TRIP11: variants seen among roughly 807,000 people sequenced by gnomAD.
The protein encoded by TRIP11 is thyroid hormone receptor interactor 11.
In TRIP11, 148 loss-of-function variants were observed where a neutral mutation model predicts 223.1. The observed-to-expected ratio is 0.66, with a 90% CI of 0.58 to 0.76. TRIP11 has a LOEUF of 0.76. Ranked by LOEUF, TRIP11 falls within the 30% of genes least tolerant of loss-of-function variation. The pLI, the probability that TRIP11 is intolerant of heterozygous loss-of-function variation, is 0.00. For synonymous variants in TRIP11, 762 were observed against 772.6 expected, an observed-to-expected ratio of 0.99 and a Z score of 0.23; for missense variants, 2,043 against 2,222.0, an observed-to-expected ratio of 0.92 and a Z score of 1.62.
At chr14:92,020,720 AGAAAGG>A (rs966487091) in intron 4 of TRIP11, among the ~76,000 whole-genome samples, 1 of 152,010 alleles carries the variant, frequency 6.6e-6, no homozygotes, top group African/African-American at 2.4e-5. Context: ...AATAGTGTAC[AGAAAGG>A]GAAACTCAGA....
At chr14:92,018,583 G>GA (rs1338749242) in intron 4 of TRIP11, among the ~76,000 whole-genome samples, 1 of 151,962 alleles carries the variant, frequency 6.6e-6, no homozygotes, top group Admixed American at 6.6e-5. Context: ...AAGTATAATA[G>GA]AAAAAATACA....
chr14:92,016,996 AC>A (rs1433851616), intron 5 of TRIP11, among the ~76,000 whole-genome samples: 1 of 152,220 alleles, frequency 6.6e-6, no homozygotes, highest in Non-Finnish European at 1.5e-5. Context: ...GCGAAATTCT[AC>A]CGCTAAGGTA....
Position 92,034,424 on chromosome 14 carries a change from C to CAAAAAAAAAAAAAAAAA in TRIP11, c.140-1172_140-1171insTTTTTTTTTTTTTTTTT, listed in dbSNP as rs34612555. 3.4e-4 allele frequency among the ~76,000 whole-genome samples: 45 copies of CAAAAAAAAAAAAAAAAA among 133,310 alleles called. 1 individual carries two copies. Among genetic ancestry groups the CAAAAAAAAAAAAAAAAA allele is most frequent in the African/African-American group, 9.9e-4 (35 of 35,404 alleles). The allele number at this position is 133,310 out of a possible 152,430, so 87.5% of individuals were successfully genotyped here. A position where few individuals can be genotyped will look rare whatever the true frequency, so the allele number is the denominator to read the frequency against. On this transcript the variant is annotated intron_variant, in intron 1 of 20. Coordinates refer to ENST00000267622, the MANE Select transcript of TRIP11 (RefSeq NM_004239.4). ...GGTTACAGAGTGAGACTCTTGTCTC[C>CAAAAAAAAAAAAAAAAA]AAAAAAAAAAAAGGAAAGGGAGCTG...
At chr14:92,009,276 A>C (rs1032439884) in intron 9 of TRIP11, among the ~76,000 whole-genome samples, 3 of 152,162 alleles carry the variant, frequency 2.0e-5, no homozygotes, top group African/African-American at 7.2e-5. Flanking sequence ...TTGAGCAATC[A>C]TCCCACCTTG....
chr14:91,984,935 A>C (rs1259086700), intron 16 of TRIP11, among the ~76,000 whole-genome samples: 1 of 152,216 alleles, frequency 6.6e-6, no homozygotes, highest in Admixed American at 6.5e-5. Context: ...TTTTAAAAGG[A>C]AGGATAGCAG....
In TRIP11 at chr14:91,978,098, C is replaced by T. The variant is rs561335486; in HGVS notation, c.5261-1909G>A. ...GGGTGGACAGGACTATTATTAAAGT[C>T]TGAGTCAGTAAAAGACACTTTAGAT... On this transcript the variant is annotated intron_variant, in intron 16 of 20. Transcript: ENST00000267622. The surrounding 1 kb of genome is among the most constrained non-coding windows in gnomAD (Gnocchi z 4.4). Among the ~76,000 whole-genome samples the T allele has an allele frequency of 7.2e-5, 11 of 152,196 alleles. No homozygotes were observed. In the South Asian group the frequency reaches 2.3e-3, roughly 32 times the overall value.
At position 92,000,084 on chromosome 14, in the gene TRIP11, G is replaced by A. The variant is rs948093291; in HGVS notation, c.4582C>T (p.Leu1528Phe). ...TGCATTGATTTAACTGCATTTAAAA[G>A]CTGATTTAACTCTCCAGTCTTGCCC... The part of the protein sequence containing the change: ...EQGKTGELNQ[L>F]LNAVKSMQEK... Residue 1528 changes from leucine (L) to phenylalanine (F), a missense_variant, in exon 12 of 21, where the codon CTT becomes TTT. Transcript: ENST00000267622. 1 of 1,613,748 alleles carries A rather than the reference G, an allele frequency of 6.2e-7. No homozygotes were observed. Among genetic ancestry groups the A allele is most frequent in the Admixed American group, 1.7e-5 (1 of 59,984 alleles).
chr14:91,969,543 A>T lies in TRIP11; in HGVS notation c.*130T>A. ...TAAAAGCATTAGGAATATTTTTATT[A>T]AATTCAGAGAAAGCATAATTGCGAA... On this transcript the variant is annotated 3_prime_UTR_variant, in exon 21 of 21. Transcript: ENST00000267622. 1.1e-6 allele frequency: 1 copy of T among 908,926 alleles called. No homozygotes were observed. The highest frequency in any genetic ancestry group is 1.8e-6 in the Non-Finnish European group (1 of 561,558). 56.3% of individuals were successfully genotyped at this position (908,926 alleles called of 1,614,324 possible).
intron 7 of TRIP11, among the ~76,000 whole-genome samples, chr14:92,013,851 T>C (rs1256572434): frequency 1.3e-5 from 2 of 152,188 alleles, no homozygotes; most frequent in Non-Finnish European, 1.5e-5. Flanking sequence ...ATCATGAGCA[T>C]AGAAAATGGT....
chr14:92,011,560 T>G (rs943309346), intron 8 of TRIP11, among the ~76,000 whole-genome samples, 195 bp downstream of exon 8: 1 of 151,510 alleles, frequency 6.6e-6, no homozygotes, highest in African/African-American at 2.4e-5. Flanking sequence ...AGTCATGCAT[T>G]TTCGACACTC....
At chr14:92,039,470 G>T in intron 1 of TRIP11, 77 bp downstream of exon 1, 2 of 1,534,402 alleles carry the variant, frequency 1.3e-6, no homozygotes, top group South Asian at 1.1e-5. Flanking sequence ...CGCGTCTCCT[G>T]ACTGATGGAA....
At chr14:92,020,362 T>C (rs562259945) in intron 4 of TRIP11, among the ~76,000 whole-genome samples, 1 of 152,198 alleles carries the variant, frequency 6.6e-6, no homozygotes, top group South Asian at 2.1e-4. Context: ...TAAAATCTGA[T>C]ATATAAGACA....
rs567152333 is a variant in TRIP11 at position 92,018,960 on chromosome 14, C to CAA, written c.589-1212_589-1211dup. Among the ~76,000 whole-genome samples, 133 of 70,792 alleles carry CAA rather than the reference C, an allele frequency of 1.9e-3. 1 individual carries two copies. The highest frequency in any genetic ancestry group is 4.1e-3 in the South Asian group (8 of 1,956). 46.4% of individuals were successfully genotyped at this position (70,792 alleles called of 152,430 possible). ...TGGTAGACAGAGCAAGACTCCATCT[C>CAA]AAAAAAAAAAAAAAAAAACAAAAAA... On this transcript the variant is annotated intron_variant, in intron 4 of 20. Transcript: ENST00000267622.
chr14:92,018,910 G>C (rs1329079844), intron 4 of TRIP11, among the ~76,000 whole-genome samples: 1 of 132,568 alleles, frequency 7.5e-6, no homozygotes, highest in Admixed American at 8.9e-5. Context: ...GCAGTGAGCC[G>C]AGATCCCACC....
Position 92,037,552 on chromosome 14 carries a change from G to A in TRIP11, c.139+1995C>T, listed in dbSNP as rs2057336912. The stretch of plus-strand genomic sequence containing the variant: ...CAAGCAAGCATATATATGTGCACAT[G>A]TACAGCAACTGGTATGGCAACTAGA... On this transcript the variant is annotated intron_variant, in intron 1 of 20. Transcript: ENST00000267622. The surrounding 1 kb of genome is among the most constrained non-coding windows in gnomAD (Gnocchi z 4.2). Among the ~76,000 whole-genome samples the A allele has an allele frequency of 6.6e-6, 1 of 152,230 alleles. No homozygotes were observed. The highest frequency in any genetic ancestry group is 6.5e-5 in the Admixed American group (1 of 15,272).
chr14:92,036,184 A>C (rs2057323647), intron 1 of TRIP11, among the ~76,000 whole-genome samples: 1 of 152,224 alleles, frequency 6.6e-6, no homozygotes, highest in South Asian at 2.1e-4. Context: ...AAAAGCAGCA[A>C]CTATTTTAAA....
rs936490821 is a variant in TRIP11, at chr14:92,014,579, T to A, written c.824-2A>T. The A allele has an allele frequency of 2.5e-6, 4 of 1,601,744 alleles. No homozygotes were observed. Among genetic ancestry groups the A allele is most frequent in the Non-Finnish European group, 3.4e-6 (4 of 1,177,474 alleles). On this transcript the variant is annotated splice_acceptor_variant, in intron 6 of 20. Coordinates refer to ENST00000267622, the MANE Select transcript of TRIP11 (RefSeq NM_004239.4). LOFTEE classifies it high-confidence loss of function. ...CAGTTTCTATAACTCCAGAGCCACCTAGAACATAAACACAAAACAATGACA... is the reference window on the plus strand; with the variant it reads ...CAGTTTCTATAACTCCAGAGCCACCAAGAACATAAACACAAAACAATGACA...
At chr14:91,975,986 G>A in intron 17 of TRIP11, 122 bp downstream of exon 17, 1 of 819,512 alleles carries the variant, frequency 1.2e-6, no homozygotes, top group Non-Finnish European at 2.0e-6. Flanking sequence ...CTCACTAAGA[G>A]TGAGGGGAAA....
At chr14:91,970,841 T>C (rs966668825) in intron 20 of TRIP11, among the ~76,000 whole-genome samples, 2 of 152,224 alleles carry the variant, frequency 1.3e-5, no homozygotes, top group African/African-American at 4.8e-5. Context: ...GTGTCATCTA[T>C]GTTGCAAGGC....
Sources: allele counts gnomAD v4.1 joint callset (sites outside exome capture counted in the v4.1 genomes callset), GRCh38; gene constraint gnomAD v4.1.1; non-coding constraint Gnocchi (gnomAD v3.1); transcripts MANE v1.5; gene names NCBI Gene and HGNC (gene_info 2026-07-23, HGNC 2026-07-21).